The following CDH18 variants were observed in gnomAD, a reference collection of about 807,000 sequenced individuals.
CDH18 encodes the protein cadherin-18.
Under a neutral mutation model 67.9 loss-of-function variants are expected in CDH18, and 31 were observed. The observed-to-expected ratio is 0.46, with a 90% CI of 0.34 to 0.62. The LOEUF (loss-of-function observed/expected upper bound fraction) is 0.62, where lower values mean the gene tolerates loss of function less well. Among genes scored for constraint, CDH18 ranks in the 20% least tolerant of loss-of-function variants. The pLI, the probability that CDH18 is intolerant of heterozygous loss-of-function variation, is 0.01. For missense variants in CDH18, 890 were observed against 975.5 expected, an observed-to-expected ratio of 0.91 and a Z score of 1.17; for synonymous variants, 362 against 347.2, an observed-to-expected ratio of 1.04 and a Z score of -0.48.
intron 2 of CDH18, among the ~76,000 whole-genome samples, chr5:20,129,988 T>C (rs908595368): frequency 2.0e-5 from 3 of 151,496 alleles, no homozygotes; most frequent in African/African-American, 2.4e-5. Context: ...GATGGGTATT[T>C]AGAAAAGACA....
chr5:19,918,564 T>C lies in CDH18; in HGVS notation c.-257+62496A>G, dbSNP rs573104148. Among the ~76,000 whole-genome samples the C allele has an allele frequency of 6.6e-4, 100 of 152,306 alleles. 2 individuals carry two copies. In the South Asian group the frequency reaches 0.01, roughly 16 times the overall value. On this transcript the variant is annotated intron_variant, in intron 2 of 12. Coordinates refer to ENST00000382275, the MANE Select transcript of CDH18 (RefSeq NM_004934.5). ...GACATATTAATGCAGAAATCACATTTGTTCACTGGTACATTCATAGTGGCA... is the reference window on the plus strand; with the variant it reads ...GACATATTAATGCAGAAATCACATTCGTTCACTGGTACATTCATAGTGGCA...
chr5:20,558,391 G>C (rs745815390), intron 1 of CDH18, among the ~76,000 whole-genome samples: 1 of 152,068 alleles, frequency 6.6e-6, no homozygotes, highest in South Asian at 2.1e-4. Context: ...AAAAAGGTTA[G>C]TATCTCCAGA....
At position 20,299,563 on chromosome 5, in the gene CDH18, G is replaced by A. The variant is rs182294476; in HGVS notation, c.-579-44058C>T. 2.2e-3 allele frequency among the ~76,000 whole-genome samples: 334 copies of A among 151,606 alleles called. 2 individuals are homozygous for A. The South Asian group carries it at 0.022, about 10-fold the overall frequency. On this transcript the variant is annotated intron_variant, in intron 1 of 14. Coordinates refer to the CDH18 transcript ENST00000507958. Reference sequence around the variant, plus strand: ...ATCACAAGGTCAGAAGTTCGAGACCGGCCTGGCCAATATGGTGAAACCCCG... The same window carrying A: ...ATCACAAGGTCAGAAGTTCGAGACCAGCCTGGCCAATATGGTGAAACCCCG...
At chr5:20,336,170 T>C (rs191118631) in intron 1 of CDH18, among the ~76,000 whole-genome samples, 2 of 152,240 alleles carry the variant, frequency 1.3e-5, no homozygotes, top group Admixed American at 6.5e-5. Flanking sequence ...GACTGCCCTC[T>C]GGTGGACCCG....
intron 1 of CDH18, among the ~76,000 whole-genome samples, chr5:20,516,421 CAAACA>C (rs1373987220): frequency 6.6e-6 from 1 of 151,874 alleles, no homozygotes; most frequent in Non-Finnish European, 1.5e-5. Flanking sequence ...TAATTTACTG[CAAACA>C]AAACAATGCA....
chr5:19,943,726 T>C (rs1554068649), intron 2 of CDH18, among the ~76,000 whole-genome samples: 1 of 152,056 alleles, frequency 6.6e-6, no homozygotes, highest in Non-Finnish European at 1.5e-5. Context: ...CCTGACCCTT[T>C]AGAGTATTAT....
At chr5:20,087,199 A>C (rs1166560065) in intron 2 of CDH18, among the ~76,000 whole-genome samples, 1 of 152,176 alleles carries the variant, frequency 6.6e-6, no homozygotes, top group Admixed American at 6.5e-5. Flanking sequence ...AGGCCTGTAA[A>C]TGTGACTGAA....
At chr5:19,538,303 T>C (rs372061099) in intron 9 of CDH18, among the ~76,000 whole-genome samples, 1 of 152,300 alleles carries the variant, frequency 6.6e-6, no homozygotes, top group East Asian at 1.9e-4. Context: ...TATTATTATA[T>C]GTTACACAAC....
Position 19,567,213 on chromosome 5 carries a change from T to C in CDH18, c.1253+4366A>G, listed in dbSNP as rs182851014. 3.3e-5 allele frequency among the ~76,000 whole-genome samples: 5 copies of C among 152,336 alleles called. No individual in the cohort carries two copies. The East Asian group carries it at 7.7e-4, about 24-fold the overall frequency. ...AGATAATAATTTATTTTACATTTTA[T>C]ATATACTTTATATTGCTGCAAATTA... On this transcript the variant is annotated intron_variant, in intron 8 of 12. Transcript: ENST00000382275.
At chr5:20,007,564 G>T (rs1737005964) in intron 2 of CDH18, among the ~76,000 whole-genome samples, 1 of 152,064 alleles carries the variant, frequency 6.6e-6, no homozygotes, top group Non-Finnish European at 1.5e-5. Context: ...ATGATGGATT[G>T]CTCATGGAAG....
intron 2 of CDH18, among the ~76,000 whole-genome samples, chr5:20,078,573 T>C (rs1375682597): frequency 2.0e-5 from 3 of 151,480 alleles, no homozygotes; most frequent in Non-Finnish European, 4.4e-5. Flanking sequence ...AAAACTTAAG[T>C]CTGACATTTT....
chr5:19,663,506 G>A (rs1757477911), intron 5 of CDH18, among the ~76,000 whole-genome samples: 1 of 151,862 alleles, frequency 6.6e-6, no homozygotes, highest in Admixed American at 6.6e-5. Flanking sequence ...GCAATTTTAA[G>A]TTAATACTCT....
intron 4 of CDH18, among the ~76,000 whole-genome samples, chr5:19,742,443 G>C (rs1202860524): frequency 6.6e-6 from 1 of 151,410 alleles, no homozygotes; most frequent in Non-Finnish European, 1.5e-5. Flanking sequence ...CACATCCCAA[G>C]CTGGACTATT....
intron 2 of CDH18, among the ~76,000 whole-genome samples, chr5:19,884,613 T>TA (rs1788003171): frequency 6.6e-6 from 1 of 151,938 alleles, no homozygotes; most frequent in South Asian, 2.1e-4. Context: ...AAATAAATAA[T>TA]ATAAATGTTT....
chr5:19,827,702 A>G (rs531852429), intron 3 of CDH18, among the ~76,000 whole-genome samples: 1 of 152,310 alleles, frequency 6.6e-6, no homozygotes, highest in South Asian at 2.1e-4. Context: ...GAGAAAAAAG[A>G]TACACCATAC....
chr5:19,686,435 T>C (rs1297735316), intron 5 of CDH18, among the ~76,000 whole-genome samples: 1 of 152,166 alleles, frequency 6.6e-6, no homozygotes, highest in African/African-American at 2.4e-5. Flanking sequence ...GAAGGAAAGT[T>C]GTTCAAAATT....
At chr5:19,530,267 A>G (rs347696) in intron 9 of CDH18, among the ~76,000 whole-genome samples, 77,565 of 151,858 alleles carry the variant, frequency 0.51, 20,859 homozygotes, top group African/African-American at 0.69. Context: ...CATCATATAT[A>G]AAACATGGCC....
chr5:19,848,590 T>C (rs1295658634), intron 2 of CDH18, among the ~76,000 whole-genome samples: 5 of 151,990 alleles, frequency 3.3e-5, no homozygotes, highest in East Asian at 1.9e-4. Context: ...TTCATGCTAA[T>C]TGAAATAGGA....
intron 2 of CDH18, among the ~76,000 whole-genome samples, chr5:19,952,936 CAATTATCT>C (rs1162982017): frequency 6.6e-6 from 1 of 152,038 alleles, no homozygotes; most frequent in Non-Finnish European, 1.5e-5. Context: ...AATTCAGTCT[CAATTATCT>C]ATTTTATTCA....
Sources: gnomAD v4.1 joint callset for allele counts (sites outside exome capture counted in the v4.1 genomes callset) on GRCh38, gnomAD v4.1.1 for gene constraint, MANE v1.5 for transcripts, NCBI Gene and HGNC (gene_info 2026-07-23, HGNC 2026-07-21) for gene names.